CPPED1: variants seen among roughly 807,000 people sequenced by gnomAD.
CPPED1 encodes serine/threonine-protein phosphatase CPPED1.
A neutral mutation model predicts 28.0 loss-of-function variants in CPPED1; 28 were observed. That is an observed-to-expected ratio of 1.00 (90% CI 0.74 to 1.37). The LOEUF is 1.37. Among genes scored for constraint, CPPED1 ranks in the 40% most tolerant of loss-of-function variants. CPPED1 has a pLI of 0.00. For missense variants in CPPED1, 504 were observed against 416.5 expected (o/e 1.21, Z -1.83); for synonymous variants, 198 against 180.2 (o/e 1.10, Z -0.79).
chr16:12,795,150 G>C (rs940862260), intron 1 of CPPED1, among the ~76,000 whole-genome samples: 1 of 152,224 alleles, frequency 6.6e-6, no homozygotes, highest in Non-Finnish European at 1.5e-5. Context: ...AGAACTGGTA[G>C]AAGGCGCCTT....
intron 1 of CPPED1, among the ~76,000 whole-genome samples, chr16:12,802,134 G>A (rs976057511): frequency 3.3e-5 from 5 of 152,154 alleles, no homozygotes; most frequent in African/African-American, 9.7e-5. Context: ...CTCACGGAGG[G>A]CAAACCCCTG....
At chr16:12,774,186 C>T (rs543501022) in intron 2 of CPPED1, among the ~76,000 whole-genome samples, 46 of 152,110 alleles carry the variant, frequency 3.0e-4, no homozygotes, top group Non-Finnish European at 1.3e-4. Flanking sequence ...AATGTTCCCT[C>T]CAAGCTGGGT....
intron 1 of CPPED1, among the ~76,000 whole-genome samples, chr16:12,793,505 G>A (rs976512000): frequency 6.6e-6 from 1 of 152,172 alleles, no homozygotes. Flanking sequence ...CCAGCTACGT[G>A]ACATGATGCA....
chr16:12,781,838 G>A (rs180914482), intron 1 of CPPED1, among the ~76,000 whole-genome samples: 137 of 152,256 alleles, frequency 9.0e-4, no homozygotes, highest in African/African-American at 3.0e-3. Flanking sequence ...GTGAGGCTTC[G>A]TGGCACCATT....
At chr16:12,676,857 T>C (rs1223525494) in intron 3 of CPPED1, among the ~76,000 whole-genome samples, 5 of 152,156 alleles carry the variant, frequency 3.3e-5, no homozygotes, top group African/African-American at 1.2e-4. Context: ...ATTCCCACAA[T>C]TCCTCCATGA....
chr16:12,732,489 C>T (rs1376024272), intron 2 of CPPED1, among the ~76,000 whole-genome samples: 11 of 111,254 alleles, frequency 9.9e-5, no homozygotes, highest in African/African-American at 4.1e-4. Flanking sequence ...CACACACACA[C>T]AGATGGAGAG....
At chr16:12,725,161 T>C (rs936443965) in intron 2 of CPPED1, among the ~76,000 whole-genome samples, 19 of 152,082 alleles carry the variant, frequency 1.2e-4, no homozygotes, top group Non-Finnish European at 2.6e-4. Context: ...TGGTGTGATC[T>C]CAGCTCACTG....
chr16:12,736,555 T>C (rs1289290251), intron 2 of CPPED1, among the ~76,000 whole-genome samples: 1 of 152,080 alleles, frequency 6.6e-6, no homozygotes, highest in African/African-American at 2.4e-5. Context: ...TTGGCTTTCA[T>C]TGTCTGGAAA....
At chr16:12,704,067 G>A (rs954977707) in intron 3 of CPPED1, among the ~76,000 whole-genome samples, 1 of 152,308 alleles carries the variant, frequency 6.6e-6, no homozygotes, top group East Asian at 1.9e-4. Flanking sequence ...GGAACTGTCC[G>A]CTAAAGCCAC....
chr16:12,802,207 C>T (rs1245933511), intron 1 of CPPED1, among the ~76,000 whole-genome samples: 2 of 152,084 alleles, frequency 1.3e-5, no homozygotes, highest in Admixed American at 1.3e-4. Flanking sequence ...GCATATACAT[C>T]AACAGAATGT....
intron 2 of CPPED1, among the ~76,000 whole-genome samples, chr16:12,717,921 C>T (rs568847102): frequency 1.1e-4 from 17 of 152,306 alleles, no homozygotes; most frequent in South Asian, 2.1e-4. Flanking sequence ...TGATTACAGG[C>T]GTGAGCCACT....
chr16:12,677,047 C>T (rs1262713463), intron 3 of CPPED1, among the ~76,000 whole-genome samples: 2 of 152,108 alleles, frequency 1.3e-5, no homozygotes, highest in African/African-American at 2.4e-5. Context: ...ATATCACGAG[C>T]GAGTGAAGAG....
At chr16:12,731,620 A>G (rs2080198100) in intron 2 of CPPED1, among the ~76,000 whole-genome samples, 2 of 151,952 alleles carry the variant, frequency 1.3e-5, no homozygotes, top group Admixed American at 6.6e-5. Flanking sequence ...GCCACCGATA[A>G]TACGGAAATG....
At chr16:12,787,255 C>T (rs892790931) in intron 1 of CPPED1, among the ~76,000 whole-genome samples, 8 of 152,106 alleles carry the variant, frequency 5.3e-5, no homozygotes, top group African/African-American at 1.9e-4. Flanking sequence ...GATATCAAAA[C>T]AAGACTATAA....
At chr16:12,702,817 G>A (rs1380071912) in intron 3 of CPPED1, among the ~76,000 whole-genome samples, 3 of 151,824 alleles carry the variant, frequency 2.0e-5, no homozygotes, top group African/African-American at 7.3e-5. Flanking sequence ...TGGCCAACAT[G>A]GTGAAACTAA....
At chr16:12,770,897 C>T (rs370438940) in intron 2 of CPPED1, among the ~76,000 whole-genome samples, 183 of 18,284 alleles carry the variant, frequency 0.01, no homozygotes, top group African/African-American at 0.036. Flanking sequence ...GGGGGAGGGG[C>T]GGGGCGGGGC....
intron 3 of CPPED1, among the ~76,000 whole-genome samples, chr16:12,686,401 T>C (rs58401570): frequency 0.015 from 2,271 of 152,222 alleles, 47 homozygotes; most frequent in African/African-American, 0.051. Context: ...TGTAAGTTGG[T>C]CTTTGGAAAC....
At chr16:12,766,256 T>TATATATATATATAG in intron 2 of CPPED1, among the ~76,000 whole-genome samples, 10 of 134,288 alleles carry the variant, frequency 7.4e-5, no homozygotes, top group African/African-American at 3.5e-4. Context: ...TATATATATA[T>TATATATATATATAG]AGAGAGAGAG....
intron 2 of CPPED1, among the ~76,000 whole-genome samples, chr16:12,732,046 C>T (rs1342563235): frequency 6.6e-6 from 1 of 151,794 alleles, no homozygotes; most frequent in Non-Finnish European, 1.5e-5. Context: ...GCCTGTAATC[C>T]CAGCTACTCA....
Sources: gnomAD v4.1 joint callset for allele counts (sites outside exome capture counted in the v4.1 genomes callset) on GRCh38, gnomAD v4.1.1 for gene constraint, MANE v1.5 for transcripts, NCBI Gene and HGNC (gene_info 2026-07-23, HGNC 2026-07-21) for gene names.